Variants in SLC23A2 observed in about 807,000 individuals in gnomAD.
The protein encoded by SLC23A2 is solute carrier family 23 member 2.
SLC23A2 carries 36 observed loss-of-function variants against 73.3 expected under a neutral mutation model. The ratio of observed to expected loss-of-function variants is 0.49; its 90% confidence interval spans 0.38 to 0.65. SLC23A2 has a LOEUF of 0.65. Among genes scored for constraint, SLC23A2 ranks in the 30% least tolerant of loss-of-function variants. The pLI is 0.00. For synonymous variants in SLC23A2, 343 were observed against 327.3 expected, an observed-to-expected ratio of 1.05 and a Z score of -0.52; for missense variants, 507 against 841.6, an observed-to-expected ratio of 0.60 and a Z score of 4.92.
At chr20:4,977,967 CT>C (rs1209443399) in intron 1 of SLC23A2, among the ~76,000 whole-genome samples, 1 of 152,018 alleles carries the variant, frequency 6.6e-6, no homozygotes, top group African/African-American at 2.4e-5. Flanking sequence ...GTGGCTCACA[CT>C]GTATAATCTC....
intron 2 of SLC23A2, among the ~76,000 whole-genome samples, chr20:4,955,356 AACACAC>A (rs71197734): frequency 0.039 from 5,614 of 144,738 alleles, 153 homozygotes; most frequent in Admixed American, 0.098. Context: ...AATGAGTTAA[AACACAC>A]ACACACACAC....
rs139243087 is a variant in SLC23A2, at chr20:4,945,255, C to A, written c.-154-12539G>T. On this transcript the variant is annotated intron_variant, in intron 2 of 16. Coordinates refer to ENST00000338244, the MANE Select transcript of SLC23A2 (RefSeq NM_005116.6). ...AATTTAAAAAAAAAATAACAATCAT[C>A]CTGCAGTCTTCTCCAAAACACTGCA... is the stretch of plus-strand genomic sequence containing the variant. 2.0e-4 allele frequency among the ~76,000 whole-genome samples: 30 copies of A among 152,280 alleles called. No homozygotes were observed. In the East Asian group the frequency reaches 5.6e-3, roughly 28 times the overall value.
At chr20:5,002,256 C>T (rs1372404590), upstream of SLC23A2, among the ~76,000 whole-genome samples, 7 of 152,138 alleles carry the variant, frequency 4.6e-5, no homozygotes, top group Non-Finnish European at 1.0e-4. Context: ...TGGCTGGGCC[C>T]CACCCCCAGA....
intron 1 of SLC23A2, among the ~76,000 whole-genome samples, chr20:4,992,971 A>G (rs1310381391): frequency 6.6e-6 from 1 of 152,108 alleles, no homozygotes; most frequent in Non-Finnish European, 1.5e-5. Flanking sequence ...TCTGAGTGCC[A>G]ACAAGACACT....
intron 1 of SLC23A2, among the ~76,000 whole-genome samples, chr20:4,994,949 AAAAG>A (rs971644582): frequency 5.3e-5 from 8 of 152,072 alleles, no homozygotes; most frequent in Non-Finnish European, 1.0e-4. Flanking sequence ...AAAAAAAGAA[AAAAG>A]AAAGAAAGAA....
At chr20:4,963,803 G>A (rs1371164711) in intron 2 of SLC23A2, among the ~76,000 whole-genome samples, 5 of 151,982 alleles carry the variant, frequency 3.3e-5, no homozygotes, top group African/African-American at 1.2e-4. Flanking sequence ...AGCTGAGATC[G>A]TGCCACTGCA....
intron 1 of SLC23A2, among the ~76,000 whole-genome samples, chr20:4,992,670 C>T (rs990012629): frequency 1.3e-5 from 2 of 151,530 alleles, no homozygotes; most frequent in Admixed American, 6.6e-5. Context: ...ACTACCATGC[C>T]GGGCTAATTT....
intron 1 of SLC23A2, among the ~76,000 whole-genome samples, chr20:4,971,299 A>AACACACACACAC (rs35758430): frequency 8.4e-5 from 12 of 142,516 alleles, no homozygotes; most frequent in African/African-American, 2.9e-4. Flanking sequence ...GTCTCTACAA[A>AACACACACACAC]ACACACACAC....
chr20:4,909,204 T>G (rs1437797039), intron 4 of SLC23A2, among the ~76,000 whole-genome samples: 6 of 152,238 alleles, frequency 3.9e-5, no homozygotes, highest in East Asian at 1.9e-4. Context: ...CAGATTTTTT[T>G]GGGATTTTGA....
intron 2 of SLC23A2, among the ~76,000 whole-genome samples, chr20:4,937,564 A>G (rs1362156018): frequency 6.6e-6 from 1 of 152,182 alleles, no homozygotes; most frequent in African/African-American, 2.4e-5. Context: ...AGTAAGCATA[A>G]TATTACTTGG....
intron 6 of SLC23A2, among the ~76,000 whole-genome samples, chr20:4,888,667 C>T (rs1931197676): frequency 6.6e-6 from 1 of 152,204 alleles, no homozygotes; most frequent in Non-Finnish European, 1.5e-5. Flanking sequence ...CCTGGTATCT[C>T]TCACCAGCTC....
intron 2 of SLC23A2, among the ~76,000 whole-genome samples, chr20:4,961,426 T>G (rs1040458318): frequency 6.6e-6 from 1 of 152,090 alleles, no homozygotes; most frequent in African/African-American, 2.4e-5. Context: ...CCTCTTTATC[T>G]CCAATCCCCC....
intron 3 of SLC23A2, among the ~76,000 whole-genome samples, chr20:4,926,530 T>C (rs1193052300): frequency 6.6e-6 from 1 of 151,030 alleles, no homozygotes; most frequent in Non-Finnish European, 1.5e-5. Context: ...TTTTTTTTTT[T>C]TCCTGATTCC....
intron 9 of SLC23A2, among the ~76,000 whole-genome samples, chr20:4,881,687 T>C (rs1350950890): frequency 6.6e-6 from 1 of 152,222 alleles, no homozygotes; most frequent in Non-Finnish European, 1.5e-5. Context: ...CTGCTTTTAC[T>C]AGGTTCATTT....
At chr20:4,966,064 T>C (rs1600182027) in intron 2 of SLC23A2, among the ~76,000 whole-genome samples, 1 of 151,670 alleles carries the variant, frequency 6.6e-6, no homozygotes, top group Non-Finnish European at 1.5e-5. Flanking sequence ...GGAGACCCTG[T>C]CCCCTCCAAA....
intron 13 of SLC23A2, among the ~76,000 whole-genome samples, chr20:4,865,524 C>T (rs1252839861): frequency 6.6e-6 from 1 of 152,110 alleles, no homozygotes; most frequent in Admixed American, 6.5e-5. Context: ...AAGCTAGCAC[C>T]ATTCAAATTT....
At position 4,857,318 on chromosome 20, in the gene SLC23A2, ACACACACACACACACAC is replaced by A; in HGVS notation, c.1721-131_1721-115del. Reference sequence around the variant, plus strand: ...CACACACACACACACACACACACACACACACACACACACACACATGGTCCCACAGATCAAACCTGCCT... The same window carrying A: ...CACACACACACACACACACACACACAATGGTCCCACAGATCAAACCTGCCT... On this transcript the variant is annotated intron_variant, in intron 16 of 16. Transcript: ENST00000338244. This position sits in a 1 kb window ranked among gnomAD's most constrained non-coding sequence, Gnocchi z 4.0. 1.7e-6 allele frequency: 1 copy of A among 592,200 alleles called. No individual in the cohort carries two copies. The highest frequency in any genetic ancestry group is 3.0e-6 in the Non-Finnish European group (1 of 334,484). 36.7% of individuals were successfully genotyped at this position (592,200 alleles called of 1,614,324 possible).
At chr20:4,938,673 CAT>C (rs954250489) in intron 2 of SLC23A2, among the ~76,000 whole-genome samples, 1 of 152,148 alleles carries the variant, frequency 6.6e-6, no homozygotes, top group Non-Finnish European at 1.5e-5. Context: ...TGGTAAGTAG[CAT>C]GATGCTTCAA....
In SLC23A2 at chr20:4,862,183, C is replaced by A; in HGVS notation, c.1487-98G>T. ...GGCTCCCTGGCACCCCTTCTCTGTC[C>A]AACAGAAACCAATGAGACCAGTGCA... On this transcript the variant is annotated intron_variant, in intron 14 of 16. Coordinates refer to ENST00000338244, the MANE Select transcript of SLC23A2 (RefSeq NM_005116.6). This position sits in a 1 kb window ranked among gnomAD's most constrained non-coding sequence, Gnocchi z 5.1. 1 of 1,214,928 alleles carries A rather than the reference C, an allele frequency of 8.2e-7. No individual in the cohort carries two copies. Among genetic ancestry groups the A allele is most frequent in the Non-Finnish European group, 1.2e-6 (1 of 850,240 alleles). The allele number at this position is 1,214,928 out of a possible 1,614,324, so 75.3% of individuals were successfully genotyped here.
Sources: allele counts gnomAD v4.1 joint callset (sites outside exome capture counted in the v4.1 genomes callset), GRCh38; gene constraint gnomAD v4.1.1; non-coding constraint Gnocchi (gnomAD v3.1); transcripts MANE v1.5; gene names NCBI Gene and HGNC (gene_info 2026-07-23, HGNC 2026-07-21).